PCDHA1: variants seen among roughly 807,000 people sequenced by gnomAD.
PCDHA1 encodes protocadherin alpha 1.
PCDHA1 carries 42 observed loss-of-function variants against 61.3 expected under a neutral mutation model. That is an observed-to-expected ratio of 0.69 (90% CI 0.54 to 0.89). The LOEUF (loss-of-function observed/expected upper bound fraction) is 0.89, where lower values mean the gene tolerates loss of function less well. PCDHA1 is among the 40% of genes least tolerant of loss of function. The pLI is 0.00. For synonymous variants in PCDHA1, 610 were observed against 553.8 expected (o/e 1.10, Z -1.43); for missense variants, 1,256 against 1,235.3 (o/e 1.02, Z -0.25).
At chr5:140,837,632 C>CTTT (rs1562365662) in intron 1 of PCDHA1, among the ~76,000 whole-genome samples, 8 of 151,106 alleles carry the variant, frequency 5.3e-5, no homozygotes, top group Admixed American at 1.3e-4. Context: ...TTCCTTCCTT[C>CTTT]CTTTCTTTCT....
At chr5:140,928,729 G>A (rs2085477021) in intron 1 of PCDHA1, 1 of 1,613,996 alleles carries the variant, frequency 6.2e-7, no homozygotes, top group Non-Finnish European at 8.5e-7. Context: ...TAGAATTTCA[G>A]CCAATATAGG....
chr5:140,868,562 A>C (rs2153231296), intron 1 of PCDHA1: 1 of 152,960 alleles, frequency 6.5e-6, no homozygotes, highest in South Asian at 2.1e-4. Flanking sequence ...TTTTTATATG[A>C]GGAACAACAC....
chr5:140,824,938 G>A (rs1474426433), intron 1 of PCDHA1: 1 of 151,940 alleles, frequency 6.6e-6, no homozygotes, highest in Non-Finnish European at 1.5e-5. Flanking sequence ...TTTGATAATT[G>A]TAATTTAAAA....
At chr5:140,836,830 GAT>G in intron 1 of PCDHA1, 1 of 945,180 alleles carries the variant, frequency 1.1e-6, no homozygotes, top group Non-Finnish European at 1.6e-6. Flanking sequence ...TTTTTTAGTT[GAT>G]AGCTTTATGT....
At chr5:140,889,218 G>T (rs1163027011) in intron 1 of PCDHA1, among the ~76,000 whole-genome samples, 1 of 151,574 alleles carries the variant, frequency 6.6e-6, no homozygotes, top group Non-Finnish European at 1.5e-5. Flanking sequence ...AAGAAGAATA[G>T]TCTTTGAAAA....
intron 1 of PCDHA1, chr5:140,877,662 C>A (rs1176424464): frequency 1.9e-6 from 3 of 1,613,440 alleles, no homozygotes; most frequent in East Asian, 2.2e-5. Context: ...CCACCGTGAG[C>A]CGGTGCGCGC....
At chr5:140,914,030 G>T (rs2076568173) in intron 1 of PCDHA1, among the ~76,000 whole-genome samples, 1 of 152,298 alleles carries the variant, frequency 6.6e-6, no homozygotes, top group East Asian at 1.9e-4. Flanking sequence ...CACGTGCTGA[G>T]AAGAATGTGT....
chr5:140,882,270 T>C lies in PCDHA1; in HGVS notation c.2394+93586T>C, dbSNP rs782125538. ...GCTCTGAGGTTTTTGGAGTGTACCA[T>C]GCTGTCTTCCTGGCAAGGAGGCCCA... On this transcript the variant is annotated intron_variant, in intron 1 of 3. Coordinates refer to ENST00000504120, the MANE Select transcript of PCDHA1 (RefSeq NM_018900.4). 35 of 1,611,468 alleles carry C rather than the reference T, an allele frequency of 2.2e-5. 1 individual carries two copies. The South Asian group carries it at 3.9e-4, about 18-fold the overall frequency.
At chr5:140,919,610 T>G (rs1173177727) in intron 1 of PCDHA1, among the ~76,000 whole-genome samples, 1 of 152,216 alleles carries the variant, frequency 6.6e-6, no homozygotes, top group Non-Finnish European at 1.5e-5. Flanking sequence ...AATTTTAAAC[T>G]GTATCTTTTG....
chr5:140,842,806 G>A (rs2150344901), intron 1 of PCDHA1: 10 of 1,594,218 alleles, frequency 6.3e-6, no homozygotes, highest in South Asian at 3.3e-5. Context: ...ACTCGCTTGT[G>A]GAGCGGCGGG....
chr5:140,862,575 G>T (rs1272278191), intron 1 of PCDHA1: 3 of 486,640 alleles, frequency 6.2e-6, no homozygotes, highest in Non-Finnish European at 1.3e-5. Context: ...ATGCCCTGGC[G>T]TTCCAGCAGC....
intron 1 of PCDHA1, chr5:140,966,981 TG>T (rs2096079365): frequency 1.2e-6 from 2 of 1,603,254 alleles, no homozygotes; most frequent in African/African-American, 2.7e-5. Flanking sequence ...CTGCGGCGCT[TG>T]GGGCCGGGTT....
At chr5:140,964,771 A>C (rs2095853520) in intron 1 of PCDHA1, among the ~76,000 whole-genome samples, 1 of 152,022 alleles carries the variant, frequency 6.6e-6, no homozygotes, top group South Asian at 2.1e-4. Context: ...GGATGCAGAG[A>C]GAAGAGGAAG....
At chr5:140,944,566 A>G (rs782290531) in intron 1 of PCDHA1, among the ~76,000 whole-genome samples, 37 of 152,182 alleles carry the variant, frequency 2.4e-4, no homozygotes, top group African/African-American at 7.5e-4. Context: ...CTGGCAACTT[A>G]CTGTAGAGAT....
At chr5:140,793,130 T>A (rs1289429593) in intron 1 of PCDHA1, among the ~76,000 whole-genome samples, 1 of 152,258 alleles carries the variant, frequency 6.6e-6, no homozygotes, top group African/African-American at 2.4e-5. Flanking sequence ...GAGCACTTTC[T>A]GGTAAGAGTC....
chr5:140,984,413 C>A lies in PCDHA1; in HGVS notation c.2542+1850C>A, dbSNP rs75063168. Among the ~76,000 whole-genome samples, 1,502 of 152,262 alleles carry A rather than the reference C, an allele frequency of 9.9e-3. 20 individuals carry two copies. Among genetic ancestry groups the A allele is most frequent in the African/African-American group, 0.035 (1,434 of 41,536 alleles). On this transcript the variant is annotated intron_variant, in intron 3 of 3. Transcript: ENST00000504120. ...AAATGTTGAGAACCTATCTTTTTTA[C>A]AGAGATAGAGAAGGGGATCTCCCTT...
intron 1 of PCDHA1, chr5:140,801,660 G>C: frequency 6.2e-7 from 1 of 1,614,216 alleles, no homozygotes; most frequent in Non-Finnish European, 8.5e-7. Context: ...GTTTTCGCTA[G>C]AGGGCGCATC....
intron 1 of PCDHA1, chr5:140,928,449 G>A (rs1225507568): frequency 3.7e-6 from 6 of 1,614,136 alleles, no homozygotes; most frequent in Non-Finnish European, 5.1e-6. Context: ...AGCAGCTCAG[G>A]GGGTTTCATT....
intron 1 of PCDHA1, among the ~76,000 whole-genome samples, chr5:140,888,287 C>A (rs1371852276): frequency 6.6e-6 from 1 of 152,072 alleles, no homozygotes; most frequent in Non-Finnish European, 1.5e-5. Context: ...CCCCTCTACC[C>A]CCTACCCAGG....
Sources: gnomAD v4.1 joint callset for allele counts (sites outside exome capture counted in the v4.1 genomes callset) on GRCh38, gnomAD v4.1.1 for gene constraint, MANE v1.5 for transcripts, NCBI Gene and HGNC (gene_info 2026-07-23, HGNC 2026-07-21) for gene names.